Variants in PSG3 observed in about 807,000 individuals in gnomAD.
The protein encoded by PSG3 is pregnancy specific beta-1-glycoprotein 3, also known as pregnancy-specific beta-1-glycoprotein 3.
Under a neutral mutation model 47.5 loss-of-function variants are expected in PSG3, and 61 were observed. The observed-to-expected ratio is 1.28, with a 90% CI of 1.05 to 1.59. The LOEUF (loss-of-function observed/expected upper bound fraction) is 1.59, where lower values mean the gene tolerates loss of function less well. PSG3 is among the 40% of genes most tolerant of loss of function. PSG3 has a pLI of 0.00. For synonymous variants in PSG3, 263 were observed against 198.4 expected (o/e 1.33, Z -2.74); for missense variants, 756 against 524.0 (o/e 1.44, Z -4.32).
chr19:42,735,468 G>A (rs1375049620), intron 2 of PSG3, among the ~76,000 whole-genome samples: 1 of 152,030 alleles, frequency 6.6e-6, no homozygotes, highest in Non-Finnish European at 1.5e-5. Context: ...CTGGGTTCAT[G>A]CCATTCTCCT....
chr19:42,728,193 T>C (rs779114959), intron 5 of PSG3, among the ~76,000 whole-genome samples: 1 of 152,306 alleles, frequency 6.6e-6, no homozygotes, highest in South Asian at 2.1e-4. Context: ...TGGAAATGGA[T>C]AGTGTGATGG....
chr19:42,739,954 C>A (rs1969641454), intron 1 of PSG3, among the ~76,000 whole-genome samples: 1 of 151,144 alleles, frequency 6.6e-6, no homozygotes, highest in African/African-American at 2.4e-5. Flanking sequence ...TTTTTCTTTC[C>A]ATTCTTTTTT....
intron 6 of PSG3, among the ~76,000 whole-genome samples, 151 bp from the exon 7 acceptor site, chr19:42,722,241 G>C (rs965396408): frequency 6.6e-6 from 1 of 152,060 alleles, no homozygotes; most frequent in Non-Finnish European, 1.5e-5. Context: ...ATAATTTTTA[G>C]AATACTCATT....
Position 42,733,024 on chromosome 19 carries a change from A to T in PSG3, c.469T>A (p.Tyr157Asn), listed in dbSNP as rs553035954. ...ACAGCCTCCATGTCCTCCCTGGGGT[A>T]TAAGTTGCTGCTGGAGATGGAGGGC... ...PKPSISSSNL[Y>N]PREDMEAVSL... Residue 157 changes from tyrosine (Y) to asparagine (N), a missense_variant, in exon 3 of 7, where the codon TAC becomes AAC. Coordinates refer to ENST00000327495, the MANE Select transcript of PSG3 (RefSeq NM_021016.4). The T allele has an allele frequency of 2.4e-5, 39 of 1,614,110 alleles. 1 individual carries two copies. In the South Asian group the frequency reaches 2.9e-4, roughly 12 times the overall value.
intron 1 of PSG3, chr19:42,739,441 A>G (rs1969629922): frequency 3.9e-6 from 1 of 257,156 alleles, no homozygotes; most frequent in East Asian, 8.7e-5. Context: ...CCTCCTTCAG[A>G]GACCCTGGGT....
intron 4 of PSG3, 110 bp from the exon 5 acceptor site, chr19:42,729,487 C>A (rs1969434174): frequency 4.6e-6 from 7 of 1,506,272 alleles, no homozygotes; most frequent in Admixed American, 2.2e-5. Flanking sequence ...CCCTCAAGTG[C>A]CAGCCAAACC....
intron 2 of PSG3, among the ~76,000 whole-genome samples, chr19:42,738,085 C>A (rs1969596543): frequency 6.6e-6 from 1 of 152,194 alleles, no homozygotes; most frequent in Non-Finnish European, 1.5e-5. Context: ...CCTCCTAAGG[C>A]AGTTGTCTGA....
chr19:42,733,829 T>A (rs566341424), intron 2 of PSG3: 1 of 152,248 alleles, frequency 6.6e-6, no homozygotes, highest in African/African-American at 2.4e-5. Flanking sequence ...AGAGGGCAGG[T>A]GAGGACCATG....
At position 42,740,410 on chromosome 19, in the gene PSG3, T is replaced by A; in HGVS notation, c.-26A>T. ...GGTCTCTGCTGCCTGCGTGTTCTCC[T>A]CTGTGGAGCTGAGCCTAGGATCCAG... On this transcript the variant is annotated 5_prime_UTR_variant, in exon 1 of 7. Transcript: ENST00000327495. The A allele has an allele frequency of 6.2e-7, 1 of 1,613,954 alleles. No homozygotes were observed. Among genetic ancestry groups the A allele is most frequent in the Non-Finnish European group, 8.5e-7 (1 of 1,179,908 alleles).
Position 42,731,614 on chromosome 19 carries a change from G to C in PSG3, c.709+1170C>G, listed in dbSNP as rs545088394. Among the ~76,000 whole-genome samples the C allele has an allele frequency of 1.1e-4, 16 of 152,014 alleles. 1 individual carries two copies. The highest frequency in any genetic ancestry group is 3.9e-4 in the African/African-American group (16 of 41,408). On this transcript the variant is annotated intron_variant, in intron 3 of 6. Coordinates refer to ENST00000327495, the MANE Select transcript of PSG3 (RefSeq NM_021016.4). ...TATCTGTTGTGGCAGTCATTAATAA[G>C]AGCCTGTCAGGTGAGATTTAGGACA... is the stretch of plus-strand genomic sequence containing the variant.
At chr19:42,733,214 G>T in intron 2 of PSG3, 152 bp from the exon 3 acceptor site, 3 of 1,450,686 alleles carry the variant, frequency 2.1e-6, no homozygotes, top group Non-Finnish European at 2.8e-6. Context: ...CAGATGCATG[G>T]CAATCTGAGG....
intron 2 of PSG3, among the ~76,000 whole-genome samples, chr19:42,734,680 C>T (rs10425123): frequency 0.04 from 6,121 of 152,152 alleles, 411 homozygotes; most frequent in African/African-American, 0.14. Flanking sequence ...AAGAAAGATG[C>T]CAAAGGTGAT....
intron 2 of PSG3, among the ~76,000 whole-genome samples, chr19:42,738,127 C>T (rs1023383062): frequency 2.3e-4 from 35 of 152,318 alleles, no homozygotes; most frequent in African/African-American, 7.9e-4. Flanking sequence ...CTGTCCTCTC[C>T]ACTCTGAGTG....
chr19:42,739,756 A>C (rs975637778), intron 1 of PSG3, among the ~76,000 whole-genome samples: 2 of 152,008 alleles, frequency 1.3e-5, no homozygotes, highest in African/African-American at 2.4e-5. Context: ...GTGTCATCTG[A>C]TATAGTTATT....
rs778087634 is a variant in PSG3 at position 42,730,085 on chromosome 19, C to T, written c.710-29G>A. On this transcript the variant is annotated intron_variant, in intron 3 of 6. Coordinates refer to ENST00000327495, the MANE Select transcript of PSG3 (RefSeq NM_021016.4). ...TGTGGATAACAGAGAGAAGATTGTC[C>T]TGTGTGGCACCTTTGATTCCTCCAC... 3.7e-6 allele frequency: 6 copies of T among 1,604,110 alleles called. No homozygotes were observed. The Admixed American group carries it at 8.4e-5, about 22-fold the overall frequency.
chr19:42,734,164 A>G (rs1174462351), intron 2 of PSG3: 3 of 152,170 alleles, frequency 2.0e-5, no homozygotes, highest in African/African-American at 7.2e-5. Context: ...CAGGATGAGG[A>G]GGTTCTAGAG....
chr19:42,729,284 G>A lies in PSG3; in HGVS notation c.1082C>T (p.Pro361Leu), dbSNP rs1486309880. ...YLSCFADSNP[P>L]AEYSWTINGK... is the part of the protein sequence containing the mutation. ...ATTAATTGTCCAAGAATATTCTGCTGGTGGGTTAGAGTCCGCGAAGCAGGA... is the reference window on the plus strand; with the variant it reads ...ATTAATTGTCCAAGAATATTCTGCTAGTGGGTTAGAGTCCGCGAAGCAGGA... The change falls in exon 5 of 7, where the codon CCA becomes CTA. Residue 361 changes from proline (P) to leucine (L), a missense_variant. Coordinates refer to ENST00000327495, the MANE Select transcript of PSG3 (RefSeq NM_021016.4). The A allele has an allele frequency of 1.9e-6, 3 of 1,614,126 alleles. No individual in the cohort carries two copies. Among genetic ancestry groups the A allele is most frequent in the Non-Finnish European group, 2.5e-6 (3 of 1,179,972 alleles).
Position 42,727,056 on chromosome 19 carries a change from T to C in PSG3, c.1243+2067A>G, listed in dbSNP as rs145443413. Among the ~76,000 whole-genome samples the C allele has an allele frequency of 2.5e-4, 38 of 152,308 alleles. No individual in the cohort carries two copies. In the East Asian group the frequency reaches 6.0e-3, roughly 24 times the overall value. ...GGGACCGTTTTCTCACCAAATGATA[T>C]TGGGAAAGGTGGATATCCAAGGGCA... is the stretch of plus-strand genomic sequence containing the variant. On this transcript the variant is annotated intron_variant, in intron 5 of 6. Coordinates refer to ENST00000327495, the MANE Select transcript of PSG3 (RefSeq NM_021016.4).
chr19:42,739,148 G>T, intron 1 of PSG3, 59 bp from the exon 2 acceptor site: 1 of 1,536,574 alleles, frequency 6.5e-7, no homozygotes, highest in African/African-American at 1.4e-5. Flanking sequence ...GTGAAAAGAT[G>T]TGGCCCTGGG....
Sources: allele counts gnomAD v4.1 joint callset (sites outside exome capture counted in the v4.1 genomes callset), GRCh38; gene constraint gnomAD v4.1.1; transcripts MANE v1.5; gene names NCBI Gene and HGNC (gene_info 2026-07-23, HGNC 2026-07-21).